The following FAM111B variants were observed in gnomAD, a reference collection of about 807,000 sequenced individuals.
FAM111B encodes the protein FAM111 trypsin like peptidase B, also known as serine protease FAM111B.
A neutral mutation model predicts 2.8 loss-of-function variants in FAM111B; 1 was observed. That is an observed-to-expected ratio of 0.36 (90% confidence interval 0.13 to 1.70). The LOEUF (loss-of-function observed/expected upper bound fraction) is 1.70, where lower values mean the gene tolerates loss of function less well. FAM111B is among the 40% of genes most tolerant of loss of function. The pLI is 0.35. For missense variants in FAM111B, 882 were observed against 878.9 expected, an observed-to-expected ratio of 1.00 and a Z score of -0.04; for synonymous variants, 297 against 295.6, an observed-to-expected ratio of 1.00 and a Z score of -0.05.
In FAM111B at chr11:59,125,463, T is replaced by C; in HGVS notation, c.1366T>C (p.Tyr456His). 2 of 1,613,982 alleles carry C rather than the reference T, an allele frequency of 1.2e-6. No individual in the cohort carries two copies. The highest frequency in any genetic ancestry group is 1.7e-6 in the Non-Finnish European group (2 of 1,179,860). The change falls in exon 4 of 4, where the codon TAT (tyrosine) becomes CAT (histidine). Residue 456 changes from tyrosine (Y) to histidine (H), a missense_variant. Transcript: ENST00000343597. ...VSVATCEQLT[Y>H]YSKSVGFMQW... is the part of the protein sequence containing the mutation. ...AGTTGCAACCTGCGAACAGCTTACA[T>C]ATTATAGCAAGTCAGTTGGGTTCAT...
At position 59,125,260 on chromosome 11, in the gene FAM111B, T is replaced by C; in HGVS notation, c.1163T>C (p.Leu388Ser). ...GTCCAAAAGGAGGCAATTAATCTCT[T>C]AAAGAATTATCAAACGTTGAATGAA... is the stretch of plus-strand genomic sequence containing the variant. Reference protein sequence around the residue: ...LDVQKEAINLLKNYQTLNEAI... With the variant: ...LDVQKEAINLSKNYQTLNEAI... Residue 388 changes from leucine (L) to serine (S), a missense_variant, in exon 4 of 4, where the codon TTA (leucine) becomes TCA (serine). Leu to Ser is a moderately radical substitution (Grantham distance 145, BLOSUM62 -2). Transcript: ENST00000343597. 1 of 1,613,876 alleles carries C rather than the reference T, an allele frequency of 6.2e-7. No homozygotes were observed. The highest frequency in any genetic ancestry group is 8.5e-7 in the Non-Finnish European group (1 of 1,179,836).
rs1410411419 is a variant in FAM111B, at chr11:59,125,053, A to C, written c.956A>C (p.His319Pro). Residue 319 changes from histidine (H) to proline (P), a missense_variant, in exon 4 of 4, where the codon CAC becomes CCC. His to Pro is a moderately conservative substitution (Grantham distance 77). Transcript: ENST00000343597. ...KKDGETKDVEHSREQILPPQD... is the reference protein window; with the variant it reads ...KKDGETKDVEPSREQILPPQD... ...GATGGAGAGACCAAAGATGTAGAAC[A>C]CAGCAGAGAGCAAATTCTCCCACCT... The C allele has an allele frequency of 6.2e-7, 1 of 1,613,360 alleles. No individual in the cohort carries two copies. Among genetic ancestry groups the C allele is most frequent in the African/African-American group, 1.3e-5 (1 of 74,840 alleles).
In FAM111B at chr11:59,124,982, C is replaced by A. The variant is rs763591821; in HGVS notation, c.885C>A (p.His295Gln). The change falls in exon 4 of 4, where the codon CAC becomes CAA. Residue 295 changes from histidine to glutamine, a missense_variant. Coordinates refer to ENST00000343597, the MANE Select transcript of FAM111B (RefSeq NM_198947.4). Reference sequence around the variant, plus strand: ...AAAGTGCCACTGATGAAATTAATCACCAGAGTCTGATACAGTCTAAGAAAA... The same window carrying A: ...AAAGTGCCACTGATGAAATTAATCAACAGAGTCTGATACAGTCTAAGAAAA... ...QNESATDEIN[H>Q]QSLIQSKKKV... 5 of 1,611,558 alleles carry A rather than the reference C, an allele frequency of 3.1e-6. No homozygotes were observed. Among genetic ancestry groups the A allele is most frequent in the Non-Finnish European group, 4.2e-6 (5 of 1,179,344 alleles).
At position 59,127,359 on chromosome 11, in the gene FAM111B, A is replaced by G. The variant is rs1860056006; in HGVS notation, c.*1057A>G. 1 of 152,070 alleles carries G rather than the reference A, an allele frequency of 6.6e-6. No individual in the cohort carries two copies. The highest frequency in any genetic ancestry group is 2.1e-4 in the South Asian group (1 of 4,828). 9.4% of individuals were successfully genotyped at this position (152,070 alleles called of 1,614,324 possible). ...ACATGCAGTTTACCTATATAACAAA[A>G]CTGCACATGGACTCTTAAACCTAAA... is the stretch of plus-strand genomic sequence containing the variant. On this transcript the variant is annotated 3_prime_UTR_variant, in exon 4 of 4. Coordinates refer to ENST00000343597, the MANE Select transcript of FAM111B (RefSeq NM_198947.4).
intron 3 of FAM111B, among the ~76,000 whole-genome samples, chr11:59,110,411 G>A (rs180996822): frequency 3.3e-5 from 5 of 152,200 alleles, no homozygotes; most frequent in Admixed American, 2.6e-4. Flanking sequence ...AAAAATGGAG[G>A]TATTAGTCAA....
Position 59,125,078 on chromosome 11 carries a change from T to C in FAM111B, c.981T>C (p.Pro327=). 6.2e-7 allele frequency: 1 copy of C among 1,613,620 alleles called. No homozygotes were observed. Among genetic ancestry groups the C allele is most frequent in the Non-Finnish European group, 8.5e-7 (1 of 1,179,796 alleles). The part of the protein sequence containing the change: ...VEHSREQILP[P]QDLSHYIKDK... ...ACAGCAGAGAGCAAATTCTCCCACC[T>C]CAGGATCTAAGCCATTATATTAAAG... The change falls in exon 4 of 4, where the codon CCT becomes CCC. Residue 327 remains proline (P), a synonymous_variant. Coordinates refer to ENST00000343597, the MANE Select transcript of FAM111B (RefSeq NM_198947.4).
intron 3 of FAM111B, among the ~76,000 whole-genome samples, chr11:59,121,522 T>C (rs966601720): frequency 6.6e-6 from 1 of 152,258 alleles, no homozygotes; most frequent in African/African-American, 2.4e-5. Context: ...ACAACCATTA[T>C]GTTAAATAAT....
intron 1 of FAM111B, among the ~76,000 whole-genome samples, chr11:59,108,393 C>A (rs1329759624): frequency 6.6e-6 from 1 of 152,140 alleles, no homozygotes; most frequent in Non-Finnish European, 1.5e-5. Context: ...ATCCAGAGTT[C>A]CCTCTCTGTG....
At chr11:59,116,087 T>A (rs1859837470) in intron 3 of FAM111B, among the ~76,000 whole-genome samples, 1 of 152,212 alleles carries the variant, frequency 6.6e-6, no homozygotes, top group African/African-American at 2.4e-5. Flanking sequence ...ATGTGGTCAA[T>A]TCCTGCTCTG....
chr11:59,126,345 GC>G lies in FAM111B; in HGVS notation c.*44del. ...CAAGAAAATATGCCAATAATTCCTG[GC>G]AAAGATTTCATGACAAAGACACTTA... is the stretch of plus-strand genomic sequence containing the variant. On this transcript the variant is annotated 3_prime_UTR_variant, in exon 4 of 4. Transcript: ENST00000343597. The G allele has an allele frequency of 6.9e-7, 1 of 1,441,000 alleles. No homozygotes were observed. The highest frequency in any genetic ancestry group is 1.6e-5 in the South Asian group (1 of 64,196). 89.3% of individuals were successfully genotyped at this position (1,441,000 alleles called of 1,614,324 possible). A position where few individuals can be genotyped will look rare whatever the true frequency, so the allele number is the denominator to read the frequency against.
Position 59,109,697 on chromosome 11 carries a change from A to G in FAM111B, c.72A>G (p.Glu24=). The change falls in exon 3 of 4, where the codon GAA becomes GAG. Residue 24 remains glutamate, a synonymous_variant. Coordinates refer to ENST00000343597, the MANE Select transcript of FAM111B (RefSeq NM_198947.4). ...AAGATGACCAGAGGACTAGACCTGA[A>G]GTTTCAAAGGTATATCTACTTTTTT... is the stretch of plus-strand genomic sequence containing the variant. ...AMEDDQRTRP[E]VSKDTVMKQT... The G allele has an allele frequency of 6.2e-7, 1 of 1,609,922 alleles. No individual in the cohort carries two copies. The highest frequency in any genetic ancestry group is 1.1e-5 in the South Asian group (1 of 90,702).
In FAM111B at chr11:59,126,053, C is replaced by G; in HGVS notation, c.1956C>G (p.Ser652=). The G allele has an allele frequency of 6.2e-7, 1 of 1,613,762 alleles. No individual in the cohort carries two copies. The highest frequency in any genetic ancestry group is 2.2e-5 in the East Asian group (1 of 44,878). Residue 652 remains serine, a synonymous_variant, in exon 4 of 4, where the codon TCC becomes TCG. Transcript: ENST00000343597. The part of the protein sequence containing the change: ...DTCFSDGSSG[S]PVFNASGKLV... ...GTTTCTCTGATGGGTCCTCAGGCTC[C>G]CCAGTGTTTAATGCATCTGGCAAAT...
rs571056128 is a variant in FAM111B at position 59,125,498 on chromosome 11, C to T, written c.1401C>T (p.Asp467=). Residue 467 remains aspartate (D), a synonymous_variant, in exon 4 of 4, where the codon GAC becomes GAT. Coordinates refer to ENST00000343597, the MANE Select transcript of FAM111B (RefSeq NM_198947.4). ...AGTCAGTTGGGTTCATGCAATGGGA[C>T]AATAATGGAAACACAGGTAATGCTA... ...YSKSVGFMQW[D]NNGNTGNATC... The T allele has an allele frequency of 6.2e-7, 1 of 1,613,886 alleles. No homozygotes were observed. Among genetic ancestry groups the T allele is most frequent in the Admixed American group, 1.7e-5 (1 of 60,010 alleles).
At chr11:59,110,859 C>A (rs1859747364) in intron 3 of FAM111B, among the ~76,000 whole-genome samples, 1 of 152,176 alleles carries the variant, frequency 6.6e-6, no homozygotes, top group Non-Finnish European at 1.5e-5. Context: ...TAGGCAAATA[C>A]TGTTTTCTAT....
rs1237182312 is a variant in FAM111B at position 59,126,212 on chromosome 11, A to G, written c.2115A>G (p.Leu705=). The change falls in exon 4 of 4, where the codon TTA becomes TTG. Residue 705 remains leucine (L), a synonymous_variant. Transcript: ENST00000343597. ...KKTNESLYKS[L]NDEKLETYDE... is the part of the protein sequence containing the mutation. ...CAAATGAGAGCTTGTATAAATCATT[A>G]AATGATGAGAAACTTGAGACCTACG... is the stretch of plus-strand genomic sequence containing the variant. The G allele has an allele frequency of 6.2e-7, 1 of 1,605,572 alleles. No individual in the cohort carries two copies. The highest frequency in any genetic ancestry group is 8.5e-7 in the Non-Finnish European group (1 of 1,177,796).
At chr11:59,109,965 G>T (rs992651687) in intron 3 of FAM111B, 1 of 247,874 alleles carries the variant, frequency 4.0e-6, no homozygotes, top group Non-Finnish European at 7.7e-6. Context: ...GTGTAGACAG[G>T]CAAAAATAAT....
Position 59,124,876 on chromosome 11 carries a change from C to G in FAM111B, c.779C>G (p.Ser260Cys). ...AAACAGTCCATGGTGGATGAAGTATCTGGAAAAGTCTTAGAAATGGACATT... is the reference window on the plus strand; with the variant it reads ...AAACAGTCCATGGTGGATGAAGTATGTGGAAAAGTCTTAGAAATGGACATT... ...YGKQSMVDEV[S>C]GKVLEMDISK... is the part of the protein sequence containing the mutation. Residue 260 changes from serine (S) to cysteine (C), a missense_variant, in exon 4 of 4, where the codon TCT becomes TGT. By Grantham distance (112) the Ser-to-Cys change is moderately radical (BLOSUM62 -1). Coordinates refer to ENST00000343597, the MANE Select transcript of FAM111B (RefSeq NM_198947.4). The G allele has an allele frequency of 6.2e-7, 1 of 1,608,016 alleles. No homozygotes were observed. Among genetic ancestry groups the G allele is most frequent in the African/African-American group, 1.3e-5 (1 of 74,444 alleles).
In FAM111B at chr11:59,109,897, C is replaced by T. The variant is rs142535064; in HGVS notation, c.81+191C>T. 1.4e-3 allele frequency: 532 copies of T among 370,144 alleles called. 1 individual carries two copies. The highest frequency in any genetic ancestry group is 0.014 in the Middle Eastern group (20 of 1,428). 22.9% of individuals were successfully genotyped at this position (370,144 alleles called of 1,614,324 possible). On this transcript the variant is annotated intron_variant, in intron 3 of 3. Transcript: ENST00000343597. ...AAATGATAGAGTTAACAATGCTAAA[C>T]GTATGTTAAGACAACAAGATGACTA...
At chr11:59,107,934 G>C (rs1250856885) in intron 1 of FAM111B, among the ~76,000 whole-genome samples, 1 of 152,208 alleles carries the variant, frequency 6.6e-6, no homozygotes, top group East Asian at 1.9e-4. Flanking sequence ...CTCTGTTTCT[G>C]TAAGCAAGCA....
Sources: gnomAD v4.1 joint callset for allele counts (sites outside exome capture counted in the v4.1 genomes callset) on GRCh38, gnomAD v4.1.1 for gene constraint, MANE v1.5 for transcripts, NCBI Gene and HGNC (gene_info 2026-07-23, HGNC 2026-07-21) for gene names.